The following ARSB variants were observed in gnomAD, a reference collection of about 807,000 sequenced individuals.
The protein encoded by ARSB is arylsulfatase B, also known as N-acetylgalactosamine-4-sulfatase.
A neutral mutation model predicts 50.9 loss-of-function variants in ARSB; 41 were observed. The ratio of observed to expected loss-of-function variants is 0.81; its 90% CI spans 0.63 to 1.04. The LOEUF (loss-of-function observed/expected upper bound fraction) is 1.04, where lower values mean the gene tolerates loss of function less well. ARSB is among the 50% of genes least tolerant of loss of function. ARSB has a pLI of 0.00. For synonymous variants in ARSB, 269 were observed against 284.8 expected, an observed-to-expected ratio of 0.94 and a Z score of 0.56; for missense variants, 672 against 693.3, an observed-to-expected ratio of 0.97 and a Z score of 0.35.
intron 6 of ARSB, among the ~76,000 whole-genome samples, chr5:78,801,057 G>A (rs1047980654): frequency 1.3e-5 from 2 of 152,184 alleles, no homozygotes; most frequent in East Asian, 1.9e-4. Flanking sequence ...GATGGGTTGC[G>A]TTAGTACCTC....
intron 6 of ARSB, among the ~76,000 whole-genome samples, chr5:78,784,319 G>A (rs983209510): frequency 3.3e-5 from 5 of 152,168 alleles, no homozygotes; most frequent in South Asian, 2.1e-4. Context: ...CCACCACTAG[G>A]TATTTATCCA....
intron 4 of ARSB, among the ~76,000 whole-genome samples, chr5:78,942,648 C>T (rs1218377199): frequency 6.6e-6 from 1 of 152,156 alleles, no homozygotes; most frequent in Non-Finnish European, 1.5e-5. Flanking sequence ...GTCTGAGAGA[C>T]AGTTTGCTAT....
intron 4 of ARSB, among the ~76,000 whole-genome samples, chr5:78,916,462 C>G (rs577002184): frequency 6.6e-6 from 1 of 152,320 alleles, no homozygotes; most frequent in South Asian, 2.1e-4. Context: ...GGAAAATGCA[C>G]GTAGAACAAG....
chr5:78,828,818 G>T (rs1412524767), intron 6 of ARSB, among the ~76,000 whole-genome samples: 2 of 152,174 alleles, frequency 1.3e-5, no homozygotes, highest in Non-Finnish European at 2.9e-5. Context: ...GGGCATTCAG[G>T]CTGCAGATGG....
intron 4 of ARSB, among the ~76,000 whole-genome samples, chr5:78,911,521 C>T (rs938638490): frequency 5.4e-5 from 7 of 129,826 alleles, no homozygotes; most frequent in African/African-American, 2.1e-4. Flanking sequence ...TTGCAGTGAG[C>T]TCAGATCGCA....
chr5:78,919,127 C>G (rs1580059920), intron 4 of ARSB, among the ~76,000 whole-genome samples: 1 of 152,156 alleles, frequency 6.6e-6, no homozygotes, highest in Admixed American at 6.5e-5. Flanking sequence ...GAATGGAGCT[C>G]AATATTCCCT....
intron 4 of ARSB, among the ~76,000 whole-genome samples, chr5:78,916,555 T>C (rs1025055386): frequency 6.6e-6 from 1 of 152,226 alleles, no homozygotes; most frequent in Non-Finnish European, 1.5e-5. Flanking sequence ...CTTTCTCTTA[T>C]TGATAAAAAC....
At chr5:78,984,907 G>A (rs1753088472) in intron 1 of ARSB, 30 bp downstream of exon 1, 1 of 1,298,006 alleles carries the variant, frequency 7.7e-7, no homozygotes, top group African/African-American at 1.5e-5. Flanking sequence ...GCGGGGCGGG[G>A]GCGGCGCGGG....
intron 4 of ARSB, among the ~76,000 whole-genome samples, chr5:78,945,630 C>T (rs1751191538): frequency 6.6e-6 from 1 of 152,192 alleles, no homozygotes. Flanking sequence ...CCATGAGACC[C>T]TTCACAATTC....
chr5:78,954,391 C>T (rs111487763), intron 4 of ARSB, among the ~76,000 whole-genome samples: 79 of 152,268 alleles, frequency 5.2e-4, no homozygotes, highest in African/African-American at 1.0e-3. Flanking sequence ...GATTAGGAAA[C>T]AGAATGGCAT....
At chr5:78,799,350 T>C (rs1399135191) in intron 6 of ARSB, among the ~76,000 whole-genome samples, 1 of 152,198 alleles carries the variant, frequency 6.6e-6, no homozygotes, top group African/African-American at 2.4e-5. Flanking sequence ...TCTCAACCCA[T>C]GTTAACTTTC....
At chr5:78,885,024 C>T (rs1047083327) in intron 5 of ARSB, 2 of 152,810 alleles carry the variant, frequency 1.3e-5, no homozygotes, top group Admixed American at 1.3e-4. Flanking sequence ...AGTCATCTTG[C>T]TCATCTGTGT....
chr5:78,839,653 A>G (rs1311694229), intron 5 of ARSB, among the ~76,000 whole-genome samples: 1 of 152,208 alleles, frequency 6.6e-6, no homozygotes, highest in Non-Finnish European at 1.5e-5. Flanking sequence ...AAGCATATGA[A>G]GATATTTTAA....
rs773492223 is a variant in ARSB at position 78,885,747 on chromosome 5, G to C, written c.979C>G (p.Arg327Gly). ...GGGCTTGCCACAAAGCCCACCCCTC[G>C]GACGCCTCCTTCCCACAGGCTCCAT... Reference protein sequence around the residue: ...RKWSLWEGGVRGVGFVASPLL... With the variant: ...RKWSLWEGGVGGVGFVASPLL... Residue 327 changes from arginine to glycine, a missense_variant, in exon 5 of 8, where the codon CGA (arginine) becomes GGA (glycine). Coordinates refer to ENST00000264914, the MANE Select transcript of ARSB (RefSeq NM_000046.5). The C allele has an allele frequency of 1.2e-6, 2 of 1,613,920 alleles. No individual in the cohort carries two copies. The highest frequency in any genetic ancestry group is 2.2e-5 in the East Asian group (1 of 44,888).
At chr5:78,856,188 G>A (rs1011697228) in intron 5 of ARSB, among the ~76,000 whole-genome samples, 1 of 151,996 alleles carries the variant, frequency 6.6e-6, no homozygotes, top group African/African-American at 2.4e-5. Context: ...TGGCACCCTT[G>A]TCAAAAATGC....
chr5:78,787,755 T>C (rs1749130544), intron 6 of ARSB, among the ~76,000 whole-genome samples: 1 of 152,192 alleles, frequency 6.6e-6, no homozygotes. Flanking sequence ...GATTCTGGAA[T>C]GAGACATACT....
At chr5:78,854,830 G>T (rs1012960078) in intron 5 of ARSB, among the ~76,000 whole-genome samples, 2 of 152,160 alleles carry the variant, frequency 1.3e-5, no homozygotes, top group African/African-American at 2.4e-5. Flanking sequence ...CATTTCTGAA[G>T]GGTAGATTTG....
At position 78,780,300 on chromosome 5, in the gene ARSB, A is replaced by G; in HGVS notation, c.*97T>C. 6 of 1,564,790 alleles carry G rather than the reference A, an allele frequency of 3.8e-6. No individual in the cohort carries two copies. The highest frequency in any genetic ancestry group is 5.3e-6 in the Non-Finnish European group (6 of 1,139,236). ...TGGTTTAAGAGCAAGAGAAGGGCCA[A>G]GTGAACCCAGGTTGGGATAACAAAT... On this transcript the variant is annotated 3_prime_UTR_variant, in exon 8 of 8. Coordinates refer to ENST00000264914, the MANE Select transcript of ARSB (RefSeq NM_000046.5).
At chr5:78,852,156 C>T (rs1281201513) in intron 5 of ARSB, among the ~76,000 whole-genome samples, 19 of 152,230 alleles carry the variant, frequency 1.2e-4, no homozygotes, top group East Asian at 1.9e-4. Context: ...TTCCTAGCCT[C>T]GATGGTCTTT....
Sources: allele counts gnomAD v4.1 joint callset (sites outside exome capture counted in the v4.1 genomes callset), GRCh38; gene constraint gnomAD v4.1.1; transcripts MANE v1.5; gene names NCBI Gene and HGNC (gene_info 2026-07-23, HGNC 2026-07-21).